The following POLR3F variants were observed in gnomAD, a reference collection of about 807,000 sequenced individuals.
POLR3F encodes the protein RNA polymerase III subunit F.
A neutral mutation model predicts 43.6 loss-of-function variants in POLR3F; 31 were observed. The observed-to-expected ratio is 0.71, with a 90% confidence interval of 0.53 to 0.96. POLR3F has a LOEUF of 0.96. Among genes scored for constraint, POLR3F ranks in the 40% least tolerant of loss-of-function variants. POLR3F has a pLI of 0.00. For missense variants in POLR3F, 316 were observed against 391.7 expected (o/e 0.81, Z 1.63); for synonymous variants, 114 against 132.5 (o/e 0.86, Z 0.96).
At chr20:18,474,193 A>G (rs1008052874) in intron 4 of POLR3F, among the ~76,000 whole-genome samples, 1 of 152,030 alleles carries the variant, frequency 6.6e-6, no homozygotes, top group Non-Finnish European at 1.5e-5. Flanking sequence ...TTCCCTTTCC[A>G]TATATAACAC....
chr20:18,480,345 T>C, intron 6 of POLR3F, 57 bp from the exon 7 acceptor site: 2 of 1,331,624 alleles, frequency 1.5e-6, no homozygotes. Flanking sequence ...GTATAAAGTG[T>C]ATTCAGAAAA....
intron 1 of POLR3F, 183 bp downstream of exon 1, chr20:18,467,751 T>A (rs2059704508): frequency 1.5e-6 from 2 of 1,312,680 alleles, no homozygotes; most frequent in Admixed American, 5.6e-5. Context: ...ACTCAAGAAG[T>A]TCAAAATGGG....
intron 8 of POLR3F, among the ~76,000 whole-genome samples, chr20:18,483,254 G>T (rs915773642): frequency 6.6e-6 from 1 of 152,056 alleles, no homozygotes; most frequent in South Asian, 2.1e-4. Flanking sequence ...TAGTAGAGAC[G>T]GGGTTTCACC....
intron 6 of POLR3F, 38 bp from the exon 7 acceptor site, chr20:18,480,364 T>A (rs780363763): frequency 7.8e-6 from 11 of 1,415,546 alleles, no homozygotes; most frequent in Non-Finnish European, 1.0e-5. Context: ...AACACACCAA[T>A]ATTCTTATTT....
chr20:18,478,388 G>T (rs778022563), intron 5 of POLR3F, among the ~76,000 whole-genome samples: 1 of 151,880 alleles, frequency 6.6e-6, no homozygotes, highest in Non-Finnish European at 1.5e-5. Flanking sequence ...GCTAATTTTT[G>T]TATTTTTGTA....
chr20:18,467,536 G>C lies in POLR3F; in HGVS notation c.30G>C (p.Pro10=). ...CGGAGGTGAAGGTGAAGGTGCAGCC[G>C]CCTGACGCGGATCCGGTCGAAATAG... MAEVKVKVQ[P]PDADPVEIEN... The change falls in exon 1 of 9, where the codon CCG becomes CCC. Residue 10 remains proline (P), a synonymous_variant. Transcript: ENST00000377603. The C allele has an allele frequency of 6.2e-7, 1 of 1,614,272 alleles. No homozygotes were observed. Among genetic ancestry groups the C allele is most frequent in the Non-Finnish European group, 8.5e-7 (1 of 1,180,040 alleles).
chr20:18,479,388 G>A (rs1388155885), intron 5 of POLR3F, among the ~76,000 whole-genome samples: 3 of 152,078 alleles, frequency 2.0e-5, no homozygotes, highest in Non-Finnish European at 4.4e-5. Context: ...CCAGCTACTC[G>A]GGAGGCTGAG....
intron 2 of POLR3F, among the ~76,000 whole-genome samples, chr20:18,471,066 G>A (rs1202052203): frequency 6.6e-6 from 1 of 152,040 alleles, no homozygotes. Flanking sequence ...TTAAATGCAG[G>A]TCTGACCAAG....
At chr20:18,474,928 T>C (rs1432425402) in intron 4 of POLR3F, 147 bp from the exon 5 acceptor site, 1 of 476,218 alleles carries the variant, frequency 2.1e-6, no homozygotes, top group South Asian at 2.9e-5. Flanking sequence ...TACTTATTTA[T>C]TGTTTAGCAT....
rs779966035 is a variant in POLR3F, at chr20:18,475,201, T to C, written c.429+14T>C. Reference sequence around the variant, plus strand: ...AAGTCTGTAGCAGTGAGTAGTCCTTTCCTCAGATACCCACTTACATATGTT... The same window carrying C: ...AAGTCTGTAGCAGTGAGTAGTCCTTCCCTCAGATACCCACTTACATATGTT... On this transcript the variant is annotated intron_variant, in intron 5 of 8. Coordinates refer to ENST00000377603, the MANE Select transcript of POLR3F (RefSeq NM_006466.4). 15 of 924,446 alleles carry C rather than the reference T, an allele frequency of 1.6e-5. No individual in the cohort carries two copies. Among genetic ancestry groups the C allele is most frequent in the Admixed American group, 1.9e-5 (1 of 51,766 alleles). The allele number at this position is 924,446 out of a possible 1,614,324, so 57.3% of individuals were successfully genotyped here.
At chr20:18,476,935 G>A (rs574394932) in intron 5 of POLR3F, among the ~76,000 whole-genome samples, 3 of 152,102 alleles carry the variant, frequency 2.0e-5, no homozygotes, top group South Asian at 4.2e-4. Flanking sequence ...TTATCCAGGC[G>A]TGGTGGCACA....
At position 18,483,625 on chromosome 20, in the gene POLR3F, A is replaced by AGATAATTTAATT; in HGVS notation, c.*67_*68insGATAATTTAATT. The AGATAATTTAATT allele has an allele frequency of 6.1e-6, 4 of 653,442 alleles. No individual in the cohort carries two copies. The highest frequency in any genetic ancestry group is 7.9e-6 in the Non-Finnish European group (3 of 380,100). The allele number at this position is 653,442 out of a possible 1,614,324, so 40.5% of individuals were successfully genotyped here. A position where few individuals can be genotyped will look rare whatever the true frequency, so the allele number is the denominator to read the frequency against. ...ACTTAGGGAGCAGATAATTTAATTC[A>AGATAATTTAATT]TGATGGAACACGAAATCTCCTTGAA... is the stretch of plus-strand genomic sequence containing the variant. On this transcript the variant is annotated 3_prime_UTR_variant, in exon 9 of 9. Transcript: ENST00000377603.
intron 8 of POLR3F, 123 bp downstream of exon 8, chr20:18,481,933 C>A: frequency 1.6e-6 from 1 of 612,290 alleles, no homozygotes; most frequent in Non-Finnish European, 2.9e-6. Flanking sequence ...CTATTCAAAC[C>A]TCCATGAAAC....
intron 2 of POLR3F, 131 bp downstream of exon 2, chr20:18,469,192 A>C (rs1245502966): frequency 3.0e-6 from 2 of 661,716 alleles, no homozygotes; most frequent in Non-Finnish European, 5.5e-6. Context: ...CTAGTTAAAT[A>C]TTTTATTGGA....
chr20:18,476,468 T>A (rs2059780898), intron 5 of POLR3F, among the ~76,000 whole-genome samples: 1 of 152,228 alleles, frequency 6.6e-6, no homozygotes, highest in African/African-American at 2.4e-5. Flanking sequence ...TAGATGTATA[T>A]CACCTTTTGT....
intron 5 of POLR3F, among the ~76,000 whole-genome samples, chr20:18,478,808 A>G (rs1241147927): frequency 2.6e-5 from 4 of 152,170 alleles, no homozygotes; most frequent in African/African-American, 9.7e-5. Context: ...TCTAGTGCCC[A>G]AGTCGTGGTT....
At chr20:18,474,268 C>G (rs1213999663) in intron 4 of POLR3F, among the ~76,000 whole-genome samples, 1 of 151,830 alleles carries the variant, frequency 6.6e-6, no homozygotes, top group Admixed American at 6.6e-5. Context: ...CCATAAGAAC[C>G]CTAGGCTTCC....
intron 4 of POLR3F, 125 bp from the exon 5 acceptor site, chr20:18,474,950 T>G: frequency 1.9e-6 from 1 of 532,376 alleles, no homozygotes; most frequent in Non-Finnish European, 3.4e-6. Flanking sequence ...CTTTTGCTAC[T>G]TTAGCCAGCA....
At chr20:18,476,413 T>C (rs760172740) in intron 5 of POLR3F, among the ~76,000 whole-genome samples, 3 of 152,252 alleles carry the variant, frequency 2.0e-5, no homozygotes, top group South Asian at 2.1e-4. Flanking sequence ...GATTTATCCA[T>C]ATTGTGCTTT....
Sources: allele counts gnomAD v4.1 joint callset (sites outside exome capture counted in the v4.1 genomes callset), GRCh38; gene constraint gnomAD v4.1.1; transcripts MANE v1.5; gene names NCBI Gene and HGNC (gene_info 2026-07-23, HGNC 2026-07-21).